KIF26B: variants seen among roughly 807,000 people sequenced by gnomAD.
KIF26B encodes the protein kinesin family member 26B.
A neutral mutation model predicts 151.2 loss-of-function variants in KIF26B; 63 were observed. That is an observed-to-expected ratio of 0.42 (90% CI 0.34 to 0.51). The LOEUF (loss-of-function observed/expected upper bound fraction) is 0.51. Among genes scored for constraint, KIF26B ranks in the 20% least tolerant of loss-of-function variants. The pLI, the probability that KIF26B is intolerant of heterozygous loss-of-function variation, is 0.07. For synonymous variants in KIF26B, 1,357 were observed against 1,262.1 expected (o/e 1.08, Z -1.59); for missense variants, 2,813 against 2,913.6 (o/e 0.97, Z 0.79).
intron 2 of KIF26B, among the ~76,000 whole-genome samples, chr1:245,180,522 T>C (rs1668887590): frequency 6.6e-6 from 1 of 152,200 alleles, no homozygotes; most frequent in African/African-American, 2.4e-5. Flanking sequence ...CCCAAGTAAA[T>C]GCTCAGTAGG....
At chr1:245,299,710 C>A (rs879883611) in intron 2 of KIF26B, among the ~76,000 whole-genome samples, 5 of 152,172 alleles carry the variant, frequency 3.3e-5, no homozygotes, top group Non-Finnish European at 7.3e-5. Context: ...ATCTGGAGAG[C>A]TTATCTGCGG....
Position 245,516,855 on chromosome 1 carries a change from C to T in KIF26B, c.1167-23912C>T, listed in dbSNP as rs567957117. ...CCGGTTACCAGACTGTCCCTGGATA[C>T]TGGGGACTAAAAGCTGGTGATTGGC... On this transcript the variant is annotated intron_variant, in intron 4 of 14. Coordinates refer to ENST00000407071, the MANE Select transcript of KIF26B (RefSeq NM_018012.4). This position sits in a 1 kb window ranked among gnomAD's most constrained non-coding sequence, Gnocchi z 4.2. Among the ~76,000 whole-genome samples the T allele has an allele frequency of 3.4e-5, 5 of 145,766 alleles. No individual in the cohort carries two copies. In the South Asian group the frequency reaches 1.2e-3, roughly 36 times the overall value.
intron 2 of KIF26B, among the ~76,000 whole-genome samples, chr1:245,360,325 C>T (rs1288145435): frequency 6.6e-6 from 1 of 152,138 alleles, no homozygotes; most frequent in Non-Finnish European, 1.5e-5. Flanking sequence ...TCCTCCTTAT[C>T]CTCATCCCAA....
intron 4 of KIF26B, among the ~76,000 whole-genome samples, chr1:245,448,082 G>T (rs182575462): frequency 9.8e-5 from 15 of 152,376 alleles, no homozygotes; most frequent in African/African-American, 3.4e-4. Flanking sequence ...GCCATAGGAA[G>T]ACACGTTGAA....
intron 10 of KIF26B, among the ~76,000 whole-genome samples, chr1:245,678,791 AG>A (rs1251712253): frequency 1.3e-5 from 2 of 151,910 alleles, no homozygotes; most frequent in Non-Finnish European, 2.9e-5. Context: ...TGAACCCAGG[AG>A]GCGGAGGTTG....
At chr1:245,630,971 C>T (rs2043775089) in intron 9 of KIF26B, among the ~76,000 whole-genome samples, 1 of 152,076 alleles carries the variant, frequency 6.6e-6, no homozygotes, top group African/African-American at 2.4e-5. Flanking sequence ...TGTAGAAACA[C>T]TACTGATTTT....
At chr1:245,225,737 G>A (rs1178142864) in intron 2 of KIF26B, among the ~76,000 whole-genome samples, 1 of 152,136 alleles carries the variant, frequency 6.6e-6, no homozygotes, top group Admixed American at 6.5e-5. Flanking sequence ...GTTTGAGCCC[G>A]AGTTTATTTA....
intron 5 of KIF26B, among the ~76,000 whole-genome samples, chr1:245,581,054 A>G (rs2103129436): frequency 6.6e-6 from 1 of 152,358 alleles, no homozygotes; most frequent in South Asian, 2.1e-4. Flanking sequence ...GCATGATTAA[A>G]TTCTGGCTGT....
At chr1:245,300,479 C>A (rs1175955545) in intron 2 of KIF26B, among the ~76,000 whole-genome samples, 1 of 152,022 alleles carries the variant, frequency 6.6e-6, no homozygotes, top group Non-Finnish European at 1.5e-5. Context: ...TCTTAAAACA[C>A]AATCATCATC....
In KIF26B at chr1:245,685,605, C is replaced by T; in HGVS notation, c.2622C>T (p.Ala874=). The change falls in exon 12 of 15, where the codon GCC becomes GCT. Residue 874 remains alanine, a synonymous_variant. Coordinates refer to ENST00000407071, the MANE Select transcript of KIF26B (RefSeq NM_018012.4). ...TVIYIGPNGT[A]LSDKELTDNE... ...TCTACATCGGGCCCAACGGCACGGC[C>T]CTCTCTGACAAGGAGCTCACCGACA... 1.2e-6 allele frequency: 2 copies of T among 1,613,794 alleles called. No homozygotes were observed. The highest frequency in any genetic ancestry group is 1.7e-6 in the Non-Finnish European group (2 of 1,179,888).
intron 10 of KIF26B, among the ~76,000 whole-genome samples, chr1:245,672,279 G>A (rs943171739): frequency 4.6e-5 from 7 of 152,154 alleles, no homozygotes; most frequent in Non-Finnish European, 1.0e-4. Context: ...AGGGAGCAGG[G>A]GTGGAAGGAG....
intron 5 of KIF26B, among the ~76,000 whole-genome samples, chr1:245,590,913 AG>A (rs68112573): frequency 0.21 from 28,080 of 132,290 alleles, 3,191 homozygotes; most frequent in East Asian, 0.38. Context: ...CTCAAAAAAA[AG>A]AAAAAAAAAA....
intron 4 of KIF26B, among the ~76,000 whole-genome samples, chr1:245,466,966 G>A (rs1248194584): frequency 1.3e-5 from 2 of 152,180 alleles, no homozygotes; most frequent in African/African-American, 4.8e-5. Context: ...AAACTTTCTG[G>A]TTTCTTAAAT....
chr1:245,248,388 C>T (rs1035121800), intron 2 of KIF26B, among the ~76,000 whole-genome samples: 4 of 152,194 alleles, frequency 2.6e-5, no homozygotes, highest in Non-Finnish European at 5.9e-5. Flanking sequence ...TCTCACACTC[C>T]TCCAGAGTTG....
chr1:245,502,942 A>G (rs1660653078), intron 4 of KIF26B, among the ~76,000 whole-genome samples: 1 of 151,614 alleles, frequency 6.6e-6, no homozygotes, highest in Non-Finnish European at 1.5e-5. Flanking sequence ...GCTCATCGCA[A>G]TCTCTGCCTC....
At chr1:245,177,426 T>C (rs1187448717) in intron 2 of KIF26B, among the ~76,000 whole-genome samples, 1 of 152,158 alleles carries the variant, frequency 6.6e-6, no homozygotes, top group Non-Finnish European at 1.5e-5. Context: ...GTTTTGGAGT[T>C]TCAAACTTCT....
chr1:245,161,845 C>T (rs1032912008), intron 2 of KIF26B, among the ~76,000 whole-genome samples: 2 of 151,998 alleles, frequency 1.3e-5, no homozygotes, highest in African/African-American at 2.4e-5. Flanking sequence ...GGCACCGGCT[C>T]GAGATGGTTA....
At chr1:245,404,029 C>T (rs887212195) in intron 3 of KIF26B, among the ~76,000 whole-genome samples, 1 of 152,092 alleles carries the variant, frequency 6.6e-6, no homozygotes, top group Non-Finnish European at 1.5e-5. Context: ...CGGTTTTGTA[C>T]CATTGCCCTA....
chr1:245,391,779 G>T (rs1382579071), intron 3 of KIF26B, among the ~76,000 whole-genome samples: 1 of 151,942 alleles, frequency 6.6e-6, no homozygotes, highest in South Asian at 2.1e-4. Context: ...CATGTGATGG[G>T]TTTATTATTT....
Sources: allele counts gnomAD v4.1 joint callset (sites outside exome capture counted in the v4.1 genomes callset), GRCh38; gene constraint gnomAD v4.1.1; non-coding constraint Gnocchi (gnomAD v3.1); transcripts MANE v1.5; gene names NCBI Gene and HGNC (gene_info 2026-07-23, HGNC 2026-07-21).